The following PMS1 variants were observed in gnomAD, a reference collection of about 807,000 sequenced individuals.
PMS1 encodes the protein PMS1 protein homolog 1.
A neutral mutation model predicts 93.1 loss-of-function variants in PMS1; 79 were observed. The ratio of observed to expected loss-of-function variants is 0.85; its 90% CI spans 0.71 to 1.02. The LOEUF (loss-of-function observed/expected upper bound fraction) is 1.02, where lower values mean the gene tolerates loss of function less well. PMS1 is among the 50% of genes least tolerant of loss of function. The pLI is 0.00. For missense variants in PMS1, 1,064 were observed against 1,085.3 expected, an observed-to-expected ratio of 0.98 and a Z score of 0.28; for synonymous variants, 335 against 363.4, an observed-to-expected ratio of 0.92 and a Z score of 0.89.
At chr2:189,868,704 A>G (rs2056884486) in intron 11 of PMS1, among the ~76,000 whole-genome samples, 2 of 152,244 alleles carry the variant, frequency 1.3e-5, no homozygotes, top group South Asian at 2.1e-4. Context: ...TTTTAAAGGA[A>G]TGCTTTACTG....
chr2:189,838,097 CTG>C (rs1480835798), intron 5 of PMS1, among the ~76,000 whole-genome samples: 2 of 152,078 alleles, frequency 1.3e-5, no homozygotes, highest in East Asian at 3.9e-4. Flanking sequence ...TTGCACAGCT[CTG>C]TGAATAATAA....
chr2:189,875,352 A>G (rs903855011), intron 12 of PMS1, among the ~76,000 whole-genome samples: 1 of 151,812 alleles, frequency 6.6e-6, no homozygotes, highest in East Asian at 1.9e-4. Flanking sequence ...TAAGTCCTGC[A>G]GTCAGCCCTC....
At chr2:189,828,073 A>G (rs1029369253) in intron 5 of PMS1, among the ~76,000 whole-genome samples, 19 of 140,496 alleles carry the variant, frequency 1.4e-4, no homozygotes, top group Admixed American at 3.4e-4. Context: ...GCAGGCACCT[A>G]CCACCACGCC....
chr2:189,817,057 A>G (rs896500523), intron 4 of PMS1, among the ~76,000 whole-genome samples: 1 of 152,216 alleles, frequency 6.6e-6, no homozygotes, highest in African/African-American at 2.4e-5. Flanking sequence ...ATTTGGCAGT[A>G]TCTGGAGATA....
intron 5 of PMS1, among the ~76,000 whole-genome samples, chr2:189,836,949 G>A (rs1259885085): frequency 3.3e-5 from 5 of 152,126 alleles, no homozygotes; most frequent in Non-Finnish European, 4.4e-5. Flanking sequence ...CAGCAGCTAA[G>A]ATTTATATCT....
intron 1 of PMS1, among the ~76,000 whole-genome samples, chr2:189,786,477 G>A (rs2048357220): frequency 6.6e-6 from 1 of 152,174 alleles, no homozygotes; most frequent in South Asian, 2.1e-4. Flanking sequence ...GATGTAGAGA[G>A]CGAGTAGAAT....
intron 6 of PMS1, among the ~76,000 whole-genome samples, chr2:189,844,833 A>G (rs557740842): frequency 1.3e-5 from 2 of 151,504 alleles, no homozygotes; most frequent in South Asian, 4.2e-4. Flanking sequence ...TATATTTTCA[A>G]GCTTAATTAT....
At chr2:189,825,172 G>T (rs151127544) in intron 5 of PMS1, among the ~76,000 whole-genome samples, 38 of 152,204 alleles carry the variant, frequency 2.5e-4, no homozygotes, top group Admixed American at 1.3e-3. Flanking sequence ...TGATAATGTT[G>T]ATGTTCTTGC....
chr2:189,802,687 T>A (rs1575069154), intron 3 of PMS1, among the ~76,000 whole-genome samples: 1 of 152,226 alleles, frequency 6.6e-6, no homozygotes, highest in East Asian at 1.9e-4. Flanking sequence ...AAGTTGGGAC[T>A]CACTTATTTG....
intron 10 of PMS1, among the ~76,000 whole-genome samples, chr2:189,865,288 G>A (rs2056553633): frequency 2.0e-5 from 3 of 151,924 alleles, no homozygotes; most frequent in South Asian, 2.1e-4. Flanking sequence ...CTCTATTATT[G>A]TAGATTCTGA....
chr2:189,853,849 C>G (rs1043953661), intron 7 of PMS1, 90 bp from the exon 8 acceptor site: 24 of 788,206 alleles, frequency 3.0e-5, no homozygotes, highest in Non-Finnish European at 4.1e-5. Flanking sequence ...GCAGTTGCAT[C>G]TACTCAATTT....
chr2:189,834,086 A>C (rs561454630), intron 5 of PMS1, among the ~76,000 whole-genome samples: 7 of 151,950 alleles, frequency 4.6e-5, no homozygotes, highest in Non-Finnish European at 1.0e-4. Flanking sequence ...TTTTTAAATG[A>C]GAGCATTCAC....
chr2:189,793,140 T>C lies in PMS1; in HGVS notation c.132+1199T>C, dbSNP rs115890612. Among the ~76,000 whole-genome samples, 737 of 152,246 alleles carry C rather than the reference T, an allele frequency of 4.8e-3. 5 individuals carry two copies. Among genetic ancestry groups the C allele is most frequent in the African/African-American group, 0.017 (688 of 41,502 alleles). Reference sequence around the variant, plus strand: ...TATACCCATTTTACAGATAATGTTCTGAGAAGTTTCCCAAAGTCTCATAAT... The same window carrying C: ...TATACCCATTTTACAGATAATGTTCCGAGAAGTTTCCCAAAGTCTCATAAT... On this transcript the variant is annotated intron_variant, in intron 2 of 12. Transcript: ENST00000441310.
Position 189,821,842 on chromosome 2 carries a change from A to C in PMS1, c.582+3662A>C, listed in dbSNP as rs144643459. On this transcript the variant is annotated intron_variant, in intron 5 of 12. Coordinates refer to ENST00000441310, the MANE Select transcript of PMS1 (RefSeq NM_000534.5). ...AAATAAATAAATAATAGGTAAAAAC[A>C]AGATTATTACTTCACGTGATAAAAA... is the stretch of plus-strand genomic sequence containing the variant. 4.9e-3 allele frequency among the ~76,000 whole-genome samples: 748 copies of C among 152,346 alleles called. 8 individuals carry two copies. The highest frequency in any genetic ancestry group is 0.017 in the African/African-American group (703 of 41,584).
intron 9 of PMS1, among the ~76,000 whole-genome samples, chr2:189,859,161 G>A (rs1234358953): frequency 6.6e-6 from 1 of 152,050 alleles, no homozygotes; most frequent in African/African-American, 2.4e-5. Flanking sequence ...TCGCCCCTTT[G>A]TTGTGAGATT....
intron 5 of PMS1, among the ~76,000 whole-genome samples, chr2:189,822,852 T>TA (rs938161476): frequency 6.6e-6 from 1 of 152,180 alleles, no homozygotes; most frequent in Non-Finnish European, 1.5e-5. Flanking sequence ...GTAAAAATCT[T>TA]ATAAGAAAAT....
chr2:189,820,191 G>C (rs1471441348), intron 5 of PMS1, among the ~76,000 whole-genome samples: 1 of 152,202 alleles, frequency 6.6e-6, no homozygotes, highest in Non-Finnish European at 1.5e-5. Flanking sequence ...TCTCTGAATG[G>C]AATTCAGATA....
rs1312541416 is a variant in PMS1, at chr2:189,823,486, A to G, written c.582+5306A>G. Among the ~76,000 whole-genome samples the G allele has an allele frequency of 2.1e-5, 3 of 143,796 alleles. 1 individual carries two copies. The highest frequency in any genetic ancestry group is 7.2e-5 in the Admixed American group (1 of 13,824). 94.3% of individuals were successfully genotyped at this position (143,796 alleles called of 152,430 possible). On this transcript the variant is annotated intron_variant, in intron 5 of 12. Transcript: ENST00000441310. ...CCCCACCCTGTGTCCAAGTGTTTTC[A>G]TTGTTCGATTAAGGGGATGATTTTT...
Position 189,873,669 on chromosome 2 carries a change from TTA to T in PMS1, c.2634+21_2634+22del. 1 of 1,583,750 alleles carries T rather than the reference TTA, an allele frequency of 6.3e-7. No homozygotes were observed. Reference sequence around the variant, plus strand: ...AAGTTATTTAGAGGTACGCATTATTTTATATATATGTTATTGTATACAGGGGT... The same window carrying T: ...AAGTTATTTAGAGGTACGCATTATTTTATATATGTTATTGTATACAGGGGT... On this transcript the variant is annotated intron_variant, in intron 12 of 12. Transcript: ENST00000441310.
Sources: gnomAD v4.1 joint callset for allele counts (sites outside exome capture counted in the v4.1 genomes callset) on GRCh38, gnomAD v4.1.1 for gene constraint, MANE v1.5 for transcripts, NCBI Gene and HGNC (gene_info 2026-07-23, HGNC 2026-07-21) for gene names.